The following CCDC144A variants were observed in gnomAD, a reference collection of about 807,000 sequenced individuals.
CCDC144A encodes coiled-coil domain-containing protein 144A.
A neutral mutation model predicts 143.8 loss-of-function variants in CCDC144A; 41 were observed. That is an observed-to-expected ratio of 0.29 (90% confidence interval 0.22 to 0.37). The LOEUF is 0.37. CCDC144A is among the 10% of genes least tolerant of loss of function. The pLI is 1.00. For synonymous variants in CCDC144A, 242 were observed against 517.9 expected, an observed-to-expected ratio of 0.47 and a Z score of 7.23; for missense variants, 637 against 1,488.8, an observed-to-expected ratio of 0.43 and a Z score of 9.41.
chr17:16,740,577 T>C (rs1270632501), intron 12 of CCDC144A, among the ~76,000 whole-genome samples: 1 of 152,220 alleles, frequency 6.6e-6, no homozygotes, highest in Non-Finnish European at 1.5e-5. Flanking sequence ...GATGCTCTTC[T>C]CTTCTCCATA....
chr17:16,768,053 A>G (rs1915681726), intron 15 of CCDC144A, among the ~76,000 whole-genome samples: 2 of 152,294 alleles, frequency 1.3e-5, no homozygotes, highest in Non-Finnish European at 2.9e-5. Context: ...TATACCTTCT[A>G]AGCTATATAT....
chr17:16,690,465 C>A lies in CCDC144A; in HGVS notation c.65C>A (p.Ala22Asp). 6.2e-7 allele frequency: 1 copy of A among 1,612,704 alleles called. No individual in the cohort carries two copies. Among genetic ancestry groups the A allele is most frequent in the Non-Finnish European group, 8.5e-7 (1 of 1,179,472 alleles). Residue 22 changes from alanine to aspartate, a missense_variant, in exon 1 of 17, where the codon GCC becomes GAC. By Grantham distance (126) the Ala-to-Asp change is moderately radical. Transcript: ENST00000399273. ...GGGTCTCCGAAGCCGGCAGTCTACG[C>A]CACGAGGAAGACCCCTAGCGTCGGG... ...AEGSPKPAVYATRKTPSVGSQ... is the reference protein window; with the variant it reads ...AEGSPKPAVYDTRKTPSVGSQ...
chr17:16,756,740 T>G (rs1435527889), intron 12 of CCDC144A, among the ~76,000 whole-genome samples: 2 of 151,786 alleles, frequency 1.3e-5, no homozygotes, highest in Admixed American at 6.6e-5. Context: ...ACTGTGCAGC[T>G]GGTGTAACAG....
chr17:16,742,021 G>A (rs374393191), intron 12 of CCDC144A, among the ~76,000 whole-genome samples: 82 of 151,916 alleles, frequency 5.4e-4, no homozygotes, highest in South Asian at 3.5e-3. Context: ...CCCCGGAGGC[G>A]GAGATTGCAG....
At chr17:16,764,344 C>T (rs1915509636) in intron 15 of CCDC144A, 169 bp downstream of exon 15, 19 of 1,429,870 alleles carry the variant, frequency 1.3e-5, no homozygotes, top group Non-Finnish European at 1.6e-5. Flanking sequence ...GTCTCTGGAG[C>T]TCTCATTGAT....
At chr17:16,675,346 A>G in the CCDC144A span, among the ~76,000 whole-genome samples, 22 of 152,064 alleles carry the variant, frequency 1.4e-4, no homozygotes, top group Middle Eastern at 3.4e-3. Flanking sequence ...TAAAGAGAGA[A>G]AAAATAAATT....
chr17:16,725,508 G>C (rs1597561053), intron 8 of CCDC144A, among the ~76,000 whole-genome samples: 1 of 151,122 alleles, frequency 6.6e-6, no homozygotes, highest in Admixed American at 6.6e-5. Flanking sequence ...ATCATATATG[G>C]CATAAGAAAA....
intron 5 of CCDC144A, among the ~76,000 whole-genome samples, chr17:16,711,152 A>AC (rs1567589767): frequency 2.1e-5 from 3 of 141,422 alleles, no homozygotes; most frequent in East Asian, 3.9e-4. Context: ...AAAAAAAAAA[A>AC]AAAAAACAAA....
chr17:16,714,346 T>C (rs1912618176), intron 6 of CCDC144A, among the ~76,000 whole-genome samples: 1 of 152,222 alleles, frequency 6.6e-6, no homozygotes, highest in Admixed American at 6.5e-5. Flanking sequence ...GTTTGATTGG[T>C]CACGAACTGT....
intron 8 of CCDC144A, among the ~76,000 whole-genome samples, chr17:16,726,599 T>C (rs1913440173): frequency 6.6e-6 from 1 of 151,948 alleles, no homozygotes; most frequent in African/African-American, 2.4e-5. Context: ...CCAGCATCAC[T>C]CATGGGAATG....
At chr17:16,711,516 T>C (rs563690327) in intron 5 of CCDC144A, among the ~76,000 whole-genome samples, 163 bp from the exon 6 acceptor site, 90 of 152,264 alleles carry the variant, frequency 5.9e-4, no homozygotes, top group African/African-American at 2.1e-3. Context: ...TATATGATGA[T>C]AGTTCCAGAT....
chr17:16,773,345 G>T (rs1247500803), intron 16 of CCDC144A, among the ~76,000 whole-genome samples, 152 bp from the exon 17 acceptor site: 1 of 152,114 alleles, frequency 6.6e-6, no homozygotes, highest in African/African-American at 2.4e-5. Context: ...AAGTACTTGG[G>T]GCTGAGGCAG....
intron 12 of CCDC144A, chr17:16,746,771 C>A (rs887533060): frequency 1.3e-4 from 211 of 1,596,360 alleles, no homozygotes; most frequent in Non-Finnish European, 2.1e-5. Context: ...CTGCGGGGAG[C>A]GCGCGGCCGT....
At chr17:16,668,168 C>T in the CCDC144A span, among the ~76,000 whole-genome samples, 1 of 147,784 alleles carries the variant, frequency 6.8e-6, no homozygotes, top group South Asian at 2.2e-4. Context: ...TTTACTTCAT[C>T]TCCTAGGCAA....
rs1266468911 is a variant in CCDC144A at position 16,777,399 on chromosome 17, A to G, written c.*3766A>G. The G allele has an allele frequency of 6.6e-6, 1 of 152,178 alleles. No individual in the cohort carries two copies. The highest frequency in any genetic ancestry group is 1.9e-4 in the East Asian group (1 of 5,160). 9.4% of individuals were successfully genotyped at this position (152,178 alleles called of 1,614,324 possible). A position where few individuals can be genotyped will look rare whatever the true frequency, so the allele number is the denominator to read the frequency against. On this transcript the variant is annotated 3_prime_UTR_variant, in exon 17 of 17. Coordinates refer to ENST00000399273, the MANE Select transcript of CCDC144A (RefSeq NM_001382000.1). ...TTACAGAACATTCTACCCAACAAGCATAGAATATACATTGTATACATCAGA... is the reference window on the plus strand; with the variant it reads ...TTACAGAACATTCTACCCAACAAGCGTAGAATATACATTGTATACATCAGA...
chr17:16,737,162 CTT>C (rs757856458), intron 12 of CCDC144A, among the ~76,000 whole-genome samples: 8 of 102,662 alleles, frequency 7.8e-5, no homozygotes, highest in Admixed American at 2.1e-4. Flanking sequence ...AGAGTTAAAT[CTT>C]TTTTTTTTTT....
rs59756018 is a variant in CCDC144A, at chr17:16,729,963, C to CATATATATATATATAT, written c.2106-1823_2106-1808dup. On this transcript the variant is annotated intron_variant, in intron 9 of 16. Transcript: ENST00000399273. The stretch of plus-strand genomic sequence containing the variant: ...CATATTGTACCTCAGTAGGTAGTTT[C>CATATATATATATATAT]ATATATATATATATATATATATATA... Among the ~76,000 whole-genome samples, 216 of 94,020 alleles carry CATATATATATATATAT rather than the reference C, an allele frequency of 2.3e-3. 2 individuals are homozygous for CATATATATATATATAT. The highest frequency in any genetic ancestry group is 6.5e-3 in the Middle Eastern group (1 of 154). 61.7% of individuals were successfully genotyped at this position (94,020 alleles called of 152,430 possible). A position where few individuals can be genotyped will look rare whatever the true frequency, so the allele number is the denominator to read the frequency against.
chr17:16,775,786 G>C lies in CCDC144A; in HGVS notation c.*2153G>C, dbSNP rs1915982086. The C allele has an allele frequency of 6.6e-6, 1 of 152,202 alleles. No individual in the cohort carries two copies. The highest frequency in any genetic ancestry group is 6.5e-5 in the Admixed American group (1 of 15,272). 9.4% of individuals were successfully genotyped at this position (152,202 alleles called of 1,614,324 possible). A position where few individuals can be genotyped will look rare whatever the true frequency, so the allele number is the denominator to read the frequency against. On this transcript the variant is annotated 3_prime_UTR_variant, in exon 17 of 17. Coordinates refer to ENST00000399273, the MANE Select transcript of CCDC144A (RefSeq NM_001382000.1). ...CGTCATGAAATCTTTGCCCTTGCCT[G>C]TGTCCTGAATGGCATTGCCTAGGTT...
chr17:16,757,847 A>G (rs973921804), intron 12 of CCDC144A, among the ~76,000 whole-genome samples: 1 of 152,074 alleles, frequency 6.6e-6, no homozygotes, highest in Non-Finnish European at 1.5e-5. Context: ...TTAGATGACC[A>G]CCTATTTCCA....
Sources: gnomAD v4.1 joint callset for allele counts (sites outside exome capture counted in the v4.1 genomes callset) on GRCh38, gnomAD v4.1.1 for gene constraint, MANE v1.5 for transcripts, NCBI Gene and HGNC (gene_info 2026-07-23, HGNC 2026-07-21) for gene names.